Variants in SLC24A2 observed in about 807,000 individuals in gnomAD.
SLC24A2 encodes sodium/potassium/calcium exchanger 2.
Under a neutral mutation model 62.0 loss-of-function variants are expected in SLC24A2, and 36 were observed. The observed-to-expected ratio is 0.58, with a 90% CI of 0.44 to 0.77. SLC24A2 has a LOEUF of 0.77. Among genes scored for constraint, SLC24A2 ranks in the 30% least tolerant of loss-of-function variants. SLC24A2 has a pLI of 0.00. For synonymous variants in SLC24A2, 358 were observed against 294.0 expected, an observed-to-expected ratio of 1.22 and a Z score of -2.23; for missense variants, 846 against 817.9, an observed-to-expected ratio of 1.03 and a Z score of -0.42.
At chr9:19,619,523 A>C in intron 4 of SLC24A2, 61 bp downstream of exon 4, 1 of 1,274,270 alleles carries the variant, frequency 7.8e-7, no homozygotes, top group Non-Finnish European at 1.1e-6. Flanking sequence ...TTTTATGCAG[A>C]GAAGCCTTTT....
At chr9:20,046,385 A>G in the SLC24A2 span, among the ~76,000 whole-genome samples, 1 of 152,270 alleles carries the variant, frequency 6.6e-6, no homozygotes, top group Non-Finnish European at 1.5e-5. Flanking sequence ...GTAAGGAAGC[A>G]CTTAGGCAGA....
At chr9:19,962,747 G>A in the SLC24A2 span, among the ~76,000 whole-genome samples, 1 of 152,224 alleles carries the variant, frequency 6.6e-6, no homozygotes, top group African/African-American at 2.4e-5. Context: ...ATCAGCTTAA[G>A]GAGATTTTGG....
At chr9:20,213,193 AG>A in the SLC24A2 span, among the ~76,000 whole-genome samples, 1 of 151,902 alleles carries the variant, frequency 6.6e-6, no homozygotes, top group Non-Finnish European at 1.5e-5. Context: ...TAAAGTCAAA[AG>A]AAAATAAATT....
At chr9:20,113,052 A>T in the SLC24A2 span, among the ~76,000 whole-genome samples, 1 of 151,918 alleles carries the variant, frequency 6.6e-6, no homozygotes, top group South Asian at 2.1e-4. Context: ...CCTGGCAGCC[A>T]CCCTACCATG....
chr9:20,288,178 C>A, the SLC24A2 span, among the ~76,000 whole-genome samples: 1 of 152,142 alleles, frequency 6.6e-6, no homozygotes, highest in African/African-American at 2.4e-5. Context: ...CTGCTCATCA[C>A]CTGGGCAGGG....
chr9:20,267,888 C>T, the SLC24A2 span, among the ~76,000 whole-genome samples: 1 of 152,068 alleles, frequency 6.6e-6, no homozygotes, highest in African/African-American at 2.4e-5. Context: ...TTCTCATTGG[C>T]CCTTCCTACT....
chr9:20,032,150 G>A, the SLC24A2 span, among the ~76,000 whole-genome samples: 1 of 152,094 alleles, frequency 6.6e-6, no homozygotes, highest in Non-Finnish European at 1.5e-5. Context: ...TTGTTACCCT[G>A]GACCTTTTTA....
the SLC24A2 span, among the ~76,000 whole-genome samples, chr9:20,245,181 T>C: frequency 5.3e-5 from 8 of 152,290 alleles, no homozygotes; most frequent in African/African-American, 1.7e-4. Context: ...AGTTGATATC[T>C]AGTGGGAGGA....
the SLC24A2 span, among the ~76,000 whole-genome samples, chr9:20,232,314 C>G: frequency 0.1 from 15,834 of 152,102 alleles, 2,144 homozygotes; most frequent in East Asian, 0.61. Context: ...GGAATGATAC[C>G]AGCTCCTCTT....
At chr9:19,576,602 C>T (rs918798358) in intron 6 of SLC24A2, among the ~76,000 whole-genome samples, 29 of 152,138 alleles carry the variant, frequency 1.9e-4, no homozygotes, top group Non-Finnish European at 7.4e-5. Context: ...GTGCATGTAT[C>T]CTGTTTATGT....
At chr9:19,926,450 C>A in the SLC24A2 span, 1 of 152,294 alleles carries the variant, frequency 6.6e-6, no homozygotes, top group Admixed American at 6.5e-5. Context: ...CGCAAGCATT[C>A]GCTCCCAGAT....
At chr9:19,945,786 A>C in the SLC24A2 span, among the ~76,000 whole-genome samples, 1 of 152,170 alleles carries the variant, frequency 6.6e-6, no homozygotes, top group South Asian at 2.1e-4. Flanking sequence ...TGATAATTAA[A>C]ATGGAGGTTT....
intron 2 of SLC24A2, among the ~76,000 whole-genome samples, chr9:19,736,244 A>G (rs747859335): frequency 6.6e-6 from 1 of 152,196 alleles, no homozygotes; most frequent in African/African-American, 2.4e-5. Flanking sequence ...TCCAAAGAGT[A>G]GCAAAAAAAG....
At chr9:19,968,238 A>G in the SLC24A2 span, among the ~76,000 whole-genome samples, 1 of 152,218 alleles carries the variant, frequency 6.6e-6, no homozygotes, top group Non-Finnish European at 1.5e-5. Flanking sequence ...TGAGCACACC[A>G]GGGAGCCCAC....
chr9:19,959,848 A>G, the SLC24A2 span, among the ~76,000 whole-genome samples: 1 of 152,198 alleles, frequency 6.6e-6, no homozygotes, highest in African/African-American at 2.4e-5. Flanking sequence ...ACAAGTGAGC[A>G]CGTGATTATC....
intron 7 of SLC24A2, among the ~76,000 whole-genome samples, chr9:19,555,394 G>T (rs919140238): frequency 2.0e-5 from 3 of 152,020 alleles, no homozygotes; most frequent in Admixed American, 6.6e-5. Flanking sequence ...TTGTTCACTG[G>T]GGAGTTCAGA....
chr9:20,071,219 A>G, the SLC24A2 span, among the ~76,000 whole-genome samples: 1 of 152,016 alleles, frequency 6.6e-6, no homozygotes, highest in Non-Finnish European at 1.5e-5. Flanking sequence ...TAAATTACCC[A>G]GTCTCAGGTA....
the SLC24A2 span, among the ~76,000 whole-genome samples, chr9:20,201,635 T>C: frequency 1.3e-5 from 2 of 152,268 alleles, no homozygotes; most frequent in African/African-American, 4.8e-5. Context: ...ATTTAATGCC[T>C]GCCTCATTCC....
intron 7 of SLC24A2, among the ~76,000 whole-genome samples, chr9:19,552,248 T>C (rs1035020901): frequency 5.9e-5 from 9 of 152,192 alleles, no homozygotes; most frequent in African/African-American, 1.7e-4. Context: ...CTTGTGGATA[T>C]AGCAGGTGTA....
Sources: allele counts gnomAD v4.1 joint callset (sites outside exome capture counted in the v4.1 genomes callset), GRCh38; gene constraint gnomAD v4.1.1; transcripts MANE v1.5; gene names NCBI Gene and HGNC (gene_info 2026-07-23, HGNC 2026-07-21).